ZNF277: variants seen among roughly 807,000 people sequenced by gnomAD.
ZNF277 encodes zinc finger protein 277.
In ZNF277, 55 loss-of-function variants were observed where a neutral mutation model predicts 60.7. That is an observed-to-expected ratio of 0.91 (90% CI 0.73 to 1.13). The LOEUF (loss-of-function observed/expected upper bound fraction) is 1.13. Ranked by LOEUF, ZNF277 falls within the 50% of genes most tolerant of loss-of-function variation. ZNF277 has a pLI of 0.00. For synonymous variants in ZNF277, 178 were observed against 179.3 expected (o/e 0.99, Z 0.06); for missense variants, 510 against 523.0 (o/e 0.98, Z 0.24).
Position 112,277,077 on chromosome 7 carries a change from A to ATTTTTTTT in ZNF277, c.92-9779_92-9772dup, listed in dbSNP as rs59902516. On this transcript the variant is annotated intron_variant, in intron 1 of 11. Transcript: ENST00000361822. ...CCAGAACCCTTTTAAGAATCTGTTG[A>ATTTTTTTT]TTTTTTTTTTTTTTTTTTTTTTTTG... 3.9e-4 allele frequency among the ~76,000 whole-genome samples: 41 copies of ATTTTTTTT among 104,436 alleles called. 1 individual carries two copies. The highest frequency in any genetic ancestry group is 5.4e-4 in the East Asian group (2 of 3,708). 68.5% of individuals were successfully genotyped at this position (104,436 alleles called of 152,430 possible). A position where few individuals can be genotyped will look rare whatever the true frequency, so the allele number is the denominator to read the frequency against.
chr7:112,322,055 A>G (rs927280692), intron 5 of ZNF277, among the ~76,000 whole-genome samples: 1 of 152,106 alleles, frequency 6.6e-6, no homozygotes, highest in Non-Finnish European at 1.5e-5. Context: ...ATAAACAGCT[A>G]CAGAGATCAT....
At chr7:112,304,988 T>C (rs1792556668) in intron 4 of ZNF277, among the ~76,000 whole-genome samples, 1 of 152,170 alleles carries the variant, frequency 6.6e-6, no homozygotes, top group Non-Finnish European at 1.5e-5. Flanking sequence ...CTCCTGTGCT[T>C]ACTGTACTCC....
chr7:112,317,018 G>A (rs1307784063), intron 4 of ZNF277, among the ~76,000 whole-genome samples: 1 of 151,888 alleles, frequency 6.6e-6, no homozygotes, highest in Non-Finnish European at 1.5e-5. Context: ...GGATGAAGCT[G>A]GAAACCATCA....
At chr7:112,289,698 T>C (rs1429447832) in intron 2 of ZNF277, among the ~76,000 whole-genome samples, 2 of 152,182 alleles carry the variant, frequency 1.3e-5, no homozygotes, top group Non-Finnish European at 2.9e-5. Flanking sequence ...CTACATAGGT[T>C]ATTCTTTCCT....
At chr7:112,246,820 T>C (rs1405352045) in intron 1 of ZNF277, among the ~76,000 whole-genome samples, 1 of 152,186 alleles carries the variant, frequency 6.6e-6, no homozygotes, top group Non-Finnish European at 1.5e-5. Flanking sequence ...ATTTAATGAA[T>C]GACTATTAGA....
At chr7:112,215,157 A>G (rs1157803533) in intron 1 of ZNF277, among the ~76,000 whole-genome samples, 1 of 152,228 alleles carries the variant, frequency 6.6e-6, no homozygotes, top group African/African-American at 2.4e-5. Context: ...GCTGTCAGCT[A>G]AAAGCTGTAT....
chr7:112,211,869 C>G (rs1821757846), intron 1 of ZNF277, among the ~76,000 whole-genome samples: 2 of 152,334 alleles, frequency 1.3e-5, no homozygotes, highest in South Asian at 4.1e-4. Context: ...TGCCTTATTT[C>G]ACTTTTGTAC....
chr7:112,319,958 G>A (rs1278083332), intron 5 of ZNF277, among the ~76,000 whole-genome samples: 4 of 151,872 alleles, frequency 2.6e-5, no homozygotes, highest in Admixed American at 1.3e-4. Flanking sequence ...TACTGACAAT[G>A]TTTTAACAAA....
chr7:112,315,648 A>G (rs982055652), intron 4 of ZNF277, among the ~76,000 whole-genome samples: 5 of 152,154 alleles, frequency 3.3e-5, no homozygotes, highest in East Asian at 1.9e-4. Flanking sequence ...ACAGAAAAAC[A>G]TGAGAATTGT....
At chr7:112,281,346 C>G (rs189807479) in intron 1 of ZNF277, among the ~76,000 whole-genome samples, 2 of 152,314 alleles carry the variant, frequency 1.3e-5, no homozygotes, top group South Asian at 4.1e-4. Flanking sequence ...AAAATGTATT[C>G]AGGATTCAGG....
chr7:112,212,582 A>G (rs1213638709), intron 1 of ZNF277, among the ~76,000 whole-genome samples: 1 of 152,242 alleles, frequency 6.6e-6, no homozygotes, highest in Non-Finnish European at 1.5e-5. Flanking sequence ...CATTATAAAG[A>G]TAGGCCCAAT....
chr7:112,266,050 A>G (rs919580291), intron 1 of ZNF277, among the ~76,000 whole-genome samples: 2 of 152,206 alleles, frequency 1.3e-5, no homozygotes, highest in African/African-American at 2.4e-5. Context: ...GTGCTTTTAA[A>G]TGATAAGGAC....
chr7:112,246,406 C>T (rs994981790), intron 1 of ZNF277, among the ~76,000 whole-genome samples: 8 of 151,956 alleles, frequency 5.3e-5, no homozygotes, highest in African/African-American at 1.9e-4. Flanking sequence ...AACAAACAAA[C>T]AAAACAAAAC....
At chr7:112,280,828 G>A (rs577556985) in intron 1 of ZNF277, among the ~76,000 whole-genome samples, 17 of 152,088 alleles carry the variant, frequency 1.1e-4, no homozygotes, top group African/African-American at 4.1e-4. Flanking sequence ...GGGTTTCACC[G>A]TGTTGCCCAG....
At chr7:112,336,282 C>A in intron 8 of ZNF277, 111 bp downstream of exon 8, 1 of 913,518 alleles carries the variant, frequency 1.1e-6, no homozygotes. Context: ...AAAATACCTT[C>A]TCTGAGCCAT....
At chr7:112,266,220 A>T (rs1791547323) in intron 1 of ZNF277, among the ~76,000 whole-genome samples, 1 of 151,742 alleles carries the variant, frequency 6.6e-6, no homozygotes, top group Non-Finnish European at 1.5e-5. Context: ...ATCTGGGCTC[A>T]CTGCAACCTC....
intron 1 of ZNF277, among the ~76,000 whole-genome samples, chr7:112,214,544 C>A (rs911117900): frequency 2.0e-5 from 3 of 152,264 alleles, no homozygotes; most frequent in Non-Finnish European, 4.4e-5. Context: ...GATCAGTCTT[C>A]TGTTTTTCTT....
intron 1 of ZNF277, among the ~76,000 whole-genome samples, chr7:112,242,294 C>A (rs1225649273): frequency 7.2e-5 from 11 of 151,934 alleles, no homozygotes; most frequent in Non-Finnish European, 1.6e-4. Flanking sequence ...AACCCACAGC[C>A]AGTGTTACAT....
chr7:112,248,401 G>A (rs1362946753), intron 1 of ZNF277, among the ~76,000 whole-genome samples: 1 of 151,366 alleles, frequency 6.6e-6, no homozygotes, highest in African/African-American at 2.4e-5. Flanking sequence ...CTCAATTAAG[G>A]GTCAGAAGAA....
Sources: gnomAD v4.1 joint callset for allele counts (sites outside exome capture counted in the v4.1 genomes callset) on GRCh38, gnomAD v4.1.1 for gene constraint, MANE v1.5 for transcripts, NCBI Gene and HGNC (gene_info 2026-07-23, HGNC 2026-07-21) for gene names.